COL6A3: variants seen among roughly 807,000 people sequenced by gnomAD.
COL6A3 encodes the protein collagen alpha-3(VI) chain.
Under a neutral mutation model 274.1 loss-of-function variants are expected in COL6A3, and 137 were observed. That is an observed-to-expected ratio of 0.50 (90% confidence interval 0.44 to 0.58). The LOEUF is 0.58. Ranked by LOEUF, COL6A3 falls within the 20% of genes least tolerant of loss-of-function variation. COL6A3 has a pLI of 0.00. For missense variants in COL6A3, 3,950 were observed against 4,124.9 expected, an observed-to-expected ratio of 0.96 and a Z score of 1.16; for synonymous variants, 1,650 against 1,650.6, an observed-to-expected ratio of 1.00 and a Z score of 0.01.
intron 2 of COL6A3, among the ~76,000 whole-genome samples, chr2:237,395,997 C>T (rs1018733510): frequency 7.9e-5 from 12 of 152,198 alleles, no homozygotes; most frequent in African/African-American, 2.9e-4. Flanking sequence ...CTACTTACCT[C>T]AGGCTGACCT....
In COL6A3 at chr2:237,344,682, C is replaced by A; in HGVS notation, c.7336G>T (p.Ala2446Ser). The A allele has an allele frequency of 6.2e-7, 1 of 1,610,416 alleles. No homozygotes were observed. Among genetic ancestry groups the A allele is most frequent in the South Asian group, 1.1e-5 (1 of 90,848 alleles). Residue 2446 changes from alanine to serine, a missense_variant, in exon 36 of 44, where the codon GCT becomes TCT. Ala to Ser is a moderately conservative substitution (Grantham distance 99). Around this residue, in one of 5 missense-constraint regions of COL6A3, gnomAD observed 1,284 missense variants for 1,349.7 expected, o/e 0.95. Transcript: ENST00000295550. This position sits in a 1 kb window ranked among gnomAD's most constrained non-coding sequence, Gnocchi z 4.8. ...ACCTCGTTGTTGTAGGTGACCACAGCCACCCGGGCCCCCCGTGGGCAGTTG... is the reference window on the plus strand; with the variant it reads ...ACCTCGTTGTTGTAGGTGACCACAGACACCCGGGCCCCCCGTGGGCAGTTG... Reference protein sequence around the residue: ...ESNCPRGARVAVVTYNNEVTT... With the variant: ...ESNCPRGARVSVVTYNNEVTT...
Position 237,377,172 on chromosome 2 carries a change from A to T in COL6A3, c.2670T>A (p.Phe890Leu), listed in dbSNP as rs1341100194. 1 of 1,614,072 alleles carries T rather than the reference A, an allele frequency of 6.2e-7. No individual in the cohort carries two copies. The highest frequency in any genetic ancestry group is 1.1e-5 in the South Asian group (1 of 91,084). ...YSDDVKVESR[F>L]DEHQSKPEIL... Reference sequence around the variant, plus strand: ...TCTCAGGCTTACTCTGGTGCTCATCAAAACGGGACTCCACCTTGACATCAT... The same window carrying T: ...TCTCAGGCTTACTCTGGTGCTCATCTAAACGGGACTCCACCTTGACATCAT... Residue 890 changes from phenylalanine to leucine, a missense_variant, in exon 7 of 44, where the codon TTT (phenylalanine) becomes TTA (leucine). Phe to Leu is a conservative substitution (Grantham distance 22). Transcript: ENST00000295550.
In COL6A3 at chr2:237,365,908, G is replaced by T. The variant is rs2077540559; in HGVS notation, c.5628C>A (p.Ser1876Arg). The T allele has an allele frequency of 6.2e-7, 1 of 1,614,188 alleles. No individual in the cohort carries two copies. The highest frequency in any genetic ancestry group is 1.7e-5 in the Admixed American group (1 of 60,032). ...LNRISQMHRVSCSGGRSPTVR... is the reference protein window; with the variant it reads ...LNRISQMHRVRCSGGRSPTVR... ...CGGTGGGCGAGCGGCCACCGCTGCA[G>T]CTGACCCTGTGCATCTGGCTGATTC... The change falls in exon 12 of 44, where the codon AGC becomes AGA. Residue 1876 changes from serine (S) to arginine (R), a missense_variant. This residue lies in a region of COL6A3 where 632 missense variants were observed against 623.4 expected (regional missense o/e 1.01). Transcript: ENST00000295550.
At position 237,350,182 on chromosome 2, in the gene COL6A3, C is replaced by T; in HGVS notation, c.6844G>A (p.Gly2282Arg). 1 of 1,614,168 alleles carries T rather than the reference C, an allele frequency of 6.2e-7. No individual in the cohort carries two copies. Among genetic ancestry groups the T allele is most frequent in the Non-Finnish European group, 8.5e-7 (1 of 1,180,012 alleles). ...KGEPGEPGPKGGIGNRGPRGE... is the reference protein window; with the variant it reads ...KGEPGEPGPKRGIGNRGPRGE... ...CGAGGGCCCCGGTTCCCGATTCCTC[C>T]TTTTGGTCCTGGCTCTCCGGGCTCA... Residue 2282 changes from glycine to arginine, a missense_variant, in exon 28 of 44, where the codon GGA (glycine) becomes AGA (arginine). Gly to Arg is a moderately radical substitution (Grantham distance 125). This residue lies in a region of COL6A3 where 1,284 missense variants were observed against 1,349.7 expected (regional missense o/e 0.95). Transcript: ENST00000295550.
Position 237,371,580 on chromosome 2 carries a change from AGAGCCAGACCCT to A in COL6A3, c.4285+140_4285+151del. ...GCCACTGCACTCCAGCCTGGACGAC[AGAGCCAGACCCT>A]GTCTCAAAATAAAAACCATAAAGGT... On this transcript the variant is annotated intron_variant, in intron 9 of 43. Transcript: ENST00000295550. The surrounding 1 kb of genome is among the most constrained non-coding windows in gnomAD (Gnocchi z 4.3). 5 of 1,471,504 alleles carry A rather than the reference AGAGCCAGACCCT, an allele frequency of 3.4e-6. No homozygotes were observed. Among genetic ancestry groups the A allele is most frequent in the Non-Finnish European group, 4.5e-6 (5 of 1,117,242 alleles). The allele number at this position is 1,471,504 out of a possible 1,614,324, so 91.2% of individuals were successfully genotyped here. A position where few individuals can be genotyped will look rare whatever the true frequency, so the allele number is the denominator to read the frequency against.
At chr2:237,395,760 G>A (rs944251779) in intron 2 of COL6A3, among the ~76,000 whole-genome samples, 9 of 152,202 alleles carry the variant, frequency 5.9e-5, no homozygotes, top group African/African-American at 2.2e-4. Flanking sequence ...ATGTAGAGAA[G>A]GGAAAAGACT....
At chr2:237,326,378 T>C (rs1316106312) in intron 42 of COL6A3, 1 of 152,202 alleles carries the variant, frequency 6.6e-6, no homozygotes, top group Admixed American at 6.5e-5. Context: ...AAATGTCACA[T>C]AGCAGAACTA....
intron 1 of COL6A3, among the ~76,000 whole-genome samples, chr2:237,400,877 T>C (rs1338490303): frequency 1.3e-5 from 2 of 152,208 alleles, no homozygotes; most frequent in Non-Finnish European, 2.9e-5. Context: ...AAAAGGATTA[T>C]ACACTCTAAC....
rs185476091 is a variant in COL6A3 at position 237,332,690 on chromosome 2, G to A, written c.9328+760C>T. 3.9e-4 allele frequency among the ~76,000 whole-genome samples: 59 copies of A among 152,248 alleles called. 1 individual carries two copies. Among genetic ancestry groups the A allele is most frequent in the Non-Finnish European group, 1.3e-4 (9 of 68,024 alleles). ...AACAGTATTATATCTAAATTCCCAT[G>A]GCATTTCCATTTTTTATGTTAGTAC... On this transcript the variant is annotated intron_variant, in intron 42 of 43. Coordinates refer to ENST00000295550, the MANE Select transcript of COL6A3 (RefSeq NM_004369.4).
rs77181645 is a variant in COL6A3 at position 237,378,645 on chromosome 2, C to T, written c.2488G>A (p.Ala830Thr). 14 of 1,612,406 alleles carry T rather than the reference C, an allele frequency of 8.7e-6. No individual in the cohort carries two copies. Among genetic ancestry groups the T allele is most frequent in the African/African-American group, 4.0e-5 (3 of 74,858 alleles). The change falls in exon 6 of 44, where the codon GCT becomes ACT. Residue 830 changes from alanine to threonine, a missense_variant. Physicochemically the swap from Ala to Thr is moderately conservative, Grantham distance 58 (BLOSUM62 0). This residue lies in a region of COL6A3 where 1,934 missense variants were observed against 1,984.3 expected (regional missense o/e 0.97). Coordinates refer to ENST00000295550, the MANE Select transcript of COL6A3 (RefSeq NM_004369.4). ...AACAGGGGAGGTTTACCTGGCTGAG[C>T]GAGTGGTACTTCCTCCACACCTCCA... ...VSGGVEEVPL[A>T]QPESKRDILF...
chr2:237,340,399 T>C (rs1457755439), intron 38 of COL6A3, 53 bp downstream of exon 38: 11 of 1,537,464 alleles, frequency 7.2e-6, no homozygotes, highest in Middle Eastern at 2.1e-4. Context: ...ACACTTCTCC[T>C]GGCCCGAGCA....
intron 42 of COL6A3, among the ~76,000 whole-genome samples, chr2:237,331,602 A>G (rs1301905032): frequency 6.6e-6 from 1 of 152,156 alleles, no homozygotes; most frequent in Admixed American, 6.5e-5. Context: ...CAAAAATGCC[A>G]TAACTGTGTG....
chr2:237,347,704 G>T, intron 31 of COL6A3, 103 bp downstream of exon 31: 1 of 1,194,928 alleles, frequency 8.4e-7, no homozygotes, highest in Non-Finnish European at 1.2e-6. Flanking sequence ...GCTATCCCTG[G>T]CCAGGGTGCA....
chr2:237,342,116 T>C lies in COL6A3; in HGVS notation c.7714A>G (p.Arg2572Gly), dbSNP rs2076999910. 1 of 1,614,236 alleles carries C rather than the reference T, an allele frequency of 6.2e-7. No individual in the cohort carries two copies. The highest frequency in any genetic ancestry group is 1.3e-5 in the African/African-American group (1 of 75,072). The change falls in exon 37 of 44, where the codon AGA becomes GGA. Residue 2572 changes from arginine to glycine, a missense_variant. Arg to Gly is a moderately radical substitution (Grantham distance 125, BLOSUM62 -2). Coordinates refer to ENST00000295550, the MANE Select transcript of COL6A3 (RefSeq NM_004369.4). ...TTCTCCAGGAAGTCTGTGAGGTCTC[T>C]CCCTGCAGGCAGGACAAGCGCATGC... ...VGHALVLPAG[R>G]DLTDFLENVL...
chr2:237,404,836 C>T (rs2106401677), intron 1 of COL6A3, among the ~76,000 whole-genome samples: 1 of 152,246 alleles, frequency 6.6e-6, no homozygotes. Context: ...AAAATAAAAT[C>T]CGGGAAGTCT....
At chr2:237,363,785 T>C (rs1397699298) in intron 13 of COL6A3, among the ~76,000 whole-genome samples, 1 of 152,154 alleles carries the variant, frequency 6.6e-6, no homozygotes, top group East Asian at 1.9e-4. Flanking sequence ...AGCTAATAAA[T>C]AGAAAGTTCT....
chr2:237,366,152 A>G, intron 11 of COL6A3, 117 bp from the exon 12 acceptor site: 3 of 845,398 alleles, frequency 3.5e-6, no homozygotes, highest in Non-Finnish European at 6.0e-6. Flanking sequence ...CTCAAGTGCA[A>G]AATGAGATCC....
rs754323567 is a variant in COL6A3 at position 237,374,420 on chromosome 2, G to C, written c.3671C>G (p.Pro1224Arg). 1 of 1,612,764 alleles carries C rather than the reference G, an allele frequency of 6.2e-7. No individual in the cohort carries two copies. Among genetic ancestry groups the C allele is most frequent in the African/African-American group, 1.3e-5 (1 of 75,052 alleles). ...AAGAGTTCCCTGCGTACCTGGGCTC[G>C]GTAGAGGCTGCAACACCGGCTGCAG... ...SRLQPVLQPL[P>R]SPGVGGKRDV... is the part of the protein sequence containing the mutation. Residue 1224 changes from proline (P) to arginine (R), a missense_variant, in exon 8 of 44, where the codon CCG (proline) becomes CGG (arginine). Pro to Arg is a moderately radical substitution (Grantham distance 103, BLOSUM62 -2). Coordinates refer to ENST00000295550, the MANE Select transcript of COL6A3 (RefSeq NM_004369.4). This position sits in a 1 kb window ranked among gnomAD's most constrained non-coding sequence, Gnocchi z 4.8.
rs76646066 is a variant in COL6A3, at chr2:237,395,004, T to C, written c.292A>G (p.Thr98Ala). ...HTEFLLNTYR[T>A]KQEVLSHISN... The stretch of plus-strand genomic sequence containing the variant: ...ATATGAGAAAGGACTTCTTGTTTAG[T>C]ACGATACGTATTTAACAGGAACTCG... The change falls in exon 3 of 44, where the codon ACT (threonine) becomes GCT (alanine). Residue 98 changes from threonine to alanine, a missense_variant. By Grantham distance (58) the Thr-to-Ala change is moderately conservative. Transcript: ENST00000295550. 11 of 1,614,096 alleles carry C rather than the reference T, an allele frequency of 6.8e-6. No homozygotes were observed. In the African/African-American group the frequency reaches 1.2e-4, roughly 18 times the overall value.
Sources: allele counts gnomAD v4.1 joint callset (sites outside exome capture counted in the v4.1 genomes callset), GRCh38; gene constraint gnomAD v4.1.1; regional missense constraint gnomAD v4.1.1; non-coding constraint Gnocchi (gnomAD v3.1); transcripts MANE v1.5; gene names NCBI Gene and HGNC (gene_info 2026-07-23, HGNC 2026-07-21).